CCDC3: variants seen among roughly 807,000 people sequenced by gnomAD.
CCDC3 encodes coiled-coil domain containing 3.
In CCDC3, 24 loss-of-function variants were observed where a neutral mutation model predicts 21.4. The observed-to-expected ratio is 1.12, with a 90% CI of 0.81 to 1.58. The LOEUF (loss-of-function observed/expected upper bound fraction) is 1.58, where lower values mean the gene tolerates loss of function less well. CCDC3 is among the 40% of genes most tolerant of loss of function. CCDC3 has a pLI of 0.00. For synonymous variants in CCDC3, 186 were observed against 166.0 expected, an observed-to-expected ratio of 1.12 and a Z score of -0.93; for missense variants, 425 against 360.9, an observed-to-expected ratio of 1.18 and a Z score of -1.44.
At chr10:12,945,187 G>A (rs2131242218) in intron 2 of CCDC3, among the ~76,000 whole-genome samples, 1 of 152,274 alleles carries the variant, frequency 6.6e-6, no homozygotes, top group South Asian at 2.1e-4. Context: ...GTGTAATAGG[G>A]TTCACAACTG....
chr10:13,074,951 T>C (rs1365459449), intron 3 of CCDC3, among the ~76,000 whole-genome samples: 3 of 152,134 alleles, frequency 2.0e-5, no homozygotes, highest in African/African-American at 7.2e-5. Context: ...TAGAAATAGA[T>C]TTCATGTTTT....
At chr10:12,985,910 C>A (rs1432152058) in intron 2 of CCDC3, among the ~76,000 whole-genome samples, 1 of 152,186 alleles carries the variant, frequency 6.6e-6, no homozygotes, top group Non-Finnish European at 1.5e-5. Context: ...GAGTTTTGCT[C>A]TGTCGCCCAG....
intron 4 of CCDC3, among the ~76,000 whole-genome samples, chr10:13,055,525 A>G (rs1013311264): frequency 5.3e-5 from 8 of 151,860 alleles, no homozygotes; most frequent in Non-Finnish European, 1.2e-4. Flanking sequence ...AGACAGGGCT[A>G]TGTTGCCTAG....
chr10:13,026,854 T>C (rs955641482), intron 5 of CCDC3, among the ~76,000 whole-genome samples: 37 of 152,322 alleles, frequency 2.4e-4, no homozygotes, highest in African/African-American at 7.9e-4. Flanking sequence ...AATGCTTCCA[T>C]GGAGCCAGTG....
chr10:13,093,794 G>A (rs577048566), intron 3 of CCDC3, among the ~76,000 whole-genome samples: 1 of 152,226 alleles, frequency 6.6e-6, no homozygotes, highest in African/African-American at 2.4e-5. Context: ...ATGGAAAAAA[G>A]ACAAATCACT....
intron 4 of CCDC3, among the ~76,000 whole-genome samples, chr10:13,059,227 G>C (rs959774012): frequency 2.0e-5 from 3 of 152,136 alleles, no homozygotes; most frequent in African/African-American, 7.2e-5. Context: ...GGCAACCTTG[G>C]AAGCCACCTA....
chr10:13,026,893 C>T (rs770633013), intron 5 of CCDC3, among the ~76,000 whole-genome samples: 1 of 152,150 alleles, frequency 6.6e-6, no homozygotes, highest in African/African-American at 2.4e-5. Flanking sequence ...GGGCCGCCCC[C>T]GAGGGTGTTG....
chr10:12,930,627 G>A lies in CCDC3; in HGVS notation c.550-31948C>T, dbSNP rs140616801. On this transcript the variant is annotated intron_variant, in intron 2 of 2. Transcript: ENST00000378825. ...ATTCTAGAGCACTGATTCTCAACCG[G>A]TGGCAATGTCATTGCCCTGGGGACA... Among the ~76,000 whole-genome samples the A allele has an allele frequency of 3.5e-3, 540 of 152,256 alleles. 3 individuals are homozygous for A. The highest frequency in any genetic ancestry group is 0.01 in the Middle Eastern group (3 of 294).
Position 13,001,355 on chromosome 10 carries a change from G to A in CCDC3, c.216C>T (p.Gly72=). The change falls in exon 1 of 3, where the codon GGC becomes GGT. Residue 72 remains glycine (G), a synonymous_variant. Transcript: ENST00000378825. The stretch of plus-strand genomic sequence containing the variant: ...TCTCGACCTCGGCCGAGTAGAAGAG[G>A]CCCCCCTGGCCGGCGTGGTACTGCC... ...LPWQYHAGQG[G]LFYSAEVEML... is the part of the protein sequence containing the mutation. The A allele has an allele frequency of 6.3e-7, 1 of 1,598,692 alleles. No individual in the cohort carries two copies. Among genetic ancestry groups the A allele is most frequent in the Non-Finnish European group, 8.5e-7 (1 of 1,173,896 alleles).
intron 4 of CCDC3, among the ~76,000 whole-genome samples, chr10:13,065,730 C>T (rs1836813502): frequency 6.6e-6 from 1 of 152,162 alleles, no homozygotes. Context: ...TTCTAAATCC[C>T]TGCAACATTC....
At chr10:13,087,958 A>G (rs1177657290) in intron 3 of CCDC3, among the ~76,000 whole-genome samples, 1 of 152,196 alleles carries the variant, frequency 6.6e-6, no homozygotes, top group African/African-American at 2.4e-5. Context: ...GTATAAAATG[A>G]TCAGATCCAG....
At chr10:13,049,508 C>T (rs1480806703) in intron 5 of CCDC3, among the ~76,000 whole-genome samples, 3 of 152,048 alleles carry the variant, frequency 2.0e-5, no homozygotes, top group Non-Finnish European at 2.9e-5. Context: ...GTATGAGGCT[C>T]CACAAACCAA....
intron 5 of CCDC3, among the ~76,000 whole-genome samples, chr10:13,044,130 A>G (rs548013727): frequency 6.6e-6 from 1 of 150,866 alleles, no homozygotes; most frequent in East Asian, 1.9e-4. Flanking sequence ...ATTTTTTCAT[A>G]TGTTTGTTGG....
chr10:13,002,519 A>G (rs1464752797), upstream of CCDC3, among the ~76,000 whole-genome samples: 1 of 152,020 alleles, frequency 6.6e-6, no homozygotes, highest in Non-Finnish European at 1.5e-5. Context: ...TCTCCCAAGT[A>G]GCTGGGAATA....
chr10:12,992,662 G>A (rs150131654), intron 2 of CCDC3, among the ~76,000 whole-genome samples: 1 of 152,208 alleles, frequency 6.6e-6, no homozygotes, highest in East Asian at 1.9e-4. Flanking sequence ...GGAAGGGTGG[G>A]AGAGGGTGAG....
intron 3 of CCDC3, among the ~76,000 whole-genome samples, chr10:13,091,396 C>T (rs1388084367): frequency 6.6e-6 from 1 of 152,154 alleles, no homozygotes; most frequent in African/African-American, 2.4e-5. Flanking sequence ...TGCATCAACC[C>T]TTCCACCACA....
intron 2 of CCDC3, among the ~76,000 whole-genome samples, chr10:12,957,804 GTT>G (rs1211912179): frequency 6.6e-6 from 1 of 152,140 alleles, no homozygotes; most frequent in Non-Finnish European, 1.5e-5. Flanking sequence ...TTCCTCAATA[GTT>G]TGTTGAACCG....
intron 1 of CCDC3, among the ~76,000 whole-genome samples, chr10:12,999,006 A>G (rs1448664805): frequency 1.3e-5 from 2 of 152,168 alleles, no homozygotes; most frequent in Admixed American, 1.3e-4. Context: ...TTGGGAGGCC[A>G]AGGCAGGTGG....
chr10:13,019,184 T>C (rs190483883), intron 5 of CCDC3, among the ~76,000 whole-genome samples: 2 of 152,156 alleles, frequency 1.3e-5, no homozygotes, highest in Non-Finnish European at 2.9e-5. Context: ...CAGTGAGCCT[T>C]GATCGTGCCA....
Sources: gnomAD v4.1 joint callset for allele counts (sites outside exome capture counted in the v4.1 genomes callset) on GRCh38, gnomAD v4.1.1 for gene constraint, MANE v1.5 for transcripts, NCBI Gene and HGNC (gene_info 2026-07-23, HGNC 2026-07-21) for gene names.